The following PIEZO2 variants were observed in gnomAD, a reference collection of about 807,000 sequenced individuals.
The protein encoded by PIEZO2 is piezo type mechanosensitive ion channel component 2, also known as piezo-type mechanosensitive ion channel component 2.
A neutral mutation model predicts 337.3 loss-of-function variants in PIEZO2; 172 were observed. The observed-to-expected ratio is 0.51, with a 90% CI of 0.45 to 0.58. The LOEUF (loss-of-function observed/expected upper bound fraction) is 0.58, where lower values mean the gene tolerates loss of function less well. PIEZO2 is among the 20% of genes least tolerant of loss of function. The probability of loss-of-function intolerance (pLI) is 0.00; values close to 1 mark genes in which losing one functional copy is unlikely to be tolerated. For synonymous variants in PIEZO2, 1,251 were observed against 1,228.5 expected, an observed-to-expected ratio of 1.02 and a Z score of -0.38; for missense variants, 3,028 against 3,391.3, an observed-to-expected ratio of 0.89 and a Z score of 2.66.
At chr18:10,829,497 G>A (rs997433218) in intron 7 of PIEZO2, among the ~76,000 whole-genome samples, 2 of 152,062 alleles carry the variant, frequency 1.3e-5, no homozygotes, top group African/African-American at 2.4e-5. Flanking sequence ...ATTTGGAAAG[G>A]AAAAAGTCAT....
rs555019421 is a variant in PIEZO2, at chr18:11,087,955, T to C, written c.65-21733A>G. 7.9e-5 allele frequency among the ~76,000 whole-genome samples: 12 copies of C among 152,386 alleles called. No individual in the cohort carries two copies. The South Asian group carries it at 1.7e-3, about 21-fold the overall frequency. ...TTCTGTTTCTCTGTTCACCTTCAAA[T>C]GAAGAATGCTGCTTCCTACATTTCC... On this transcript the variant is annotated intron_variant, in intron 1 of 55. Coordinates refer to ENST00000674853, the MANE Select transcript of PIEZO2 (RefSeq NM_001378183.1).
rs188096631 is a variant in PIEZO2, at chr18:11,054,939, C to T, written c.160+11188G>A. 5.3e-3 allele frequency among the ~76,000 whole-genome samples: 813 copies of T among 152,206 alleles called. 3 individuals are homozygous for T. Among genetic ancestry groups the T allele is most frequent in the Non-Finnish European group, 9.3e-3 (630 of 68,006 alleles). ...CATTTCACCGAGGGGCAGCCAGGCA[C>T]GGTGGCTCACGCCTGTAATCCCAGC... On this transcript the variant is annotated intron_variant, in intron 2 of 55. Coordinates refer to ENST00000674853, the MANE Select transcript of PIEZO2 (RefSeq NM_001378183.1).
At chr18:10,884,781 G>T (rs770969235) in intron 4 of PIEZO2, among the ~76,000 whole-genome samples, 1 of 152,144 alleles carries the variant, frequency 6.6e-6, no homozygotes, top group Non-Finnish European at 1.5e-5. Flanking sequence ...TACACAGTGG[G>T]TGGCTCCAAC....
At chr18:10,702,480 A>G (rs1281121580) in intron 42 of PIEZO2, among the ~76,000 whole-genome samples, 6 of 152,214 alleles carry the variant, frequency 3.9e-5, no homozygotes, top group Non-Finnish European at 8.8e-5. Flanking sequence ...TACTTATTTA[A>G]TTAGATATTG....
At chr18:10,852,120 G>A (rs2041571643) in intron 7 of PIEZO2, among the ~76,000 whole-genome samples, 1 of 152,144 alleles carries the variant, frequency 6.6e-6, no homozygotes, top group Non-Finnish European at 1.5e-5. Context: ...GAAACTAAAA[G>A]CATTAATTTA....
Position 11,078,051 on chromosome 18 carries a change from CACA to C in PIEZO2, c.65-11832_65-11830del, listed in dbSNP as rs2145970746. ...GCACACACACCCACACACACCCACA[CACA>C]CACACACACACACCACACACACAAA... On this transcript the variant is annotated intron_variant, in intron 1 of 55. Coordinates refer to ENST00000674853, the MANE Select transcript of PIEZO2 (RefSeq NM_001378183.1). This position sits in a 1 kb window ranked among gnomAD's most constrained non-coding sequence, Gnocchi z 5.3. Among the ~76,000 whole-genome samples, 1 of 124,566 alleles carries C rather than the reference CACA, an allele frequency of 8.0e-6. No homozygotes were observed. The highest frequency in any genetic ancestry group is 3.5e-5 in the African/African-American group (1 of 28,506). 81.7% of individuals were successfully genotyped at this position (124,566 alleles called of 152,430 possible).
At position 11,048,150 on chromosome 18, in the gene PIEZO2, C is replaced by T. The variant is rs528158300; in HGVS notation, c.160+17977G>A. Among the ~76,000 whole-genome samples the T allele has an allele frequency of 5.9e-5, 9 of 152,100 alleles. No homozygotes were observed. Among genetic ancestry groups the T allele is most frequent in the Admixed American group, 2.0e-4 (3 of 15,264 alleles). On this transcript the variant is annotated intron_variant, in intron 2 of 55. Coordinates refer to ENST00000674853, the MANE Select transcript of PIEZO2 (RefSeq NM_001378183.1). The surrounding 1 kb of genome is among the most constrained non-coding windows in gnomAD (Gnocchi z 4.5). The stretch of plus-strand genomic sequence containing the variant: ...CTGAAAGCCCCTGCTCCTGACTGCC[C>T]GAGGAGACTATTAGTGACTTTCCCC...
intron 3 of PIEZO2, among the ~76,000 whole-genome samples, chr18:10,949,120 T>C (rs1195206355): frequency 1.3e-5 from 2 of 152,214 alleles, no homozygotes; most frequent in East Asian, 3.9e-4. Context: ...TGTAGTTATA[T>C]CTATTCTGAG....
intron 3 of PIEZO2, among the ~76,000 whole-genome samples, chr18:10,922,344 C>T (rs1265223636): frequency 1.3e-4 from 20 of 151,980 alleles, no homozygotes; most frequent in Non-Finnish European, 2.8e-4. Context: ...GGGGCAGATT[C>T]CCTGATACTT....
In PIEZO2 at chr18:10,855,575, G is replaced by T; in HGVS notation, c.704-9C>A. 1.3e-6 allele frequency: 2 copies of T among 1,525,736 alleles called. No homozygotes were observed. The highest frequency in any genetic ancestry group is 1.8e-6 in the Non-Finnish European group (2 of 1,137,558). The allele number at this position is 1,525,736 out of a possible 1,614,324, so 94.5% of individuals were successfully genotyped here. A position where few individuals can be genotyped will look rare whatever the true frequency, so the allele number is the denominator to read the frequency against. On this transcript the variant is annotated splice_polypyrimidine_tract_variant and intron_variant, in intron 6 of 55. Coordinates refer to ENST00000674853, the MANE Select transcript of PIEZO2 (RefSeq NM_001378183.1). This position sits in a 1 kb window ranked among gnomAD's most constrained non-coding sequence, Gnocchi z 4.9. The stretch of plus-strand genomic sequence containing the variant: ...AGACGGCAACATCATGCCTAAGGAA[G>T]AGAAACGTAATCACAAAGTCAGGTA...
chr18:11,020,925 C>G (rs1003068490), intron 2 of PIEZO2, among the ~76,000 whole-genome samples: 1 of 152,112 alleles, frequency 6.6e-6, no homozygotes, highest in Non-Finnish European at 1.5e-5. Flanking sequence ...AGTAAACAAC[C>G]CCTCTCCCCC....
At chr18:10,879,061 A>G (rs2042342481) in intron 4 of PIEZO2, among the ~76,000 whole-genome samples, 1 of 152,244 alleles carries the variant, frequency 6.6e-6, no homozygotes, top group Non-Finnish European at 1.5e-5. Context: ...TAAAGTCAAG[A>G]GAGTAAATTA....
At chr18:10,928,619 G>A (rs1437152795) in intron 3 of PIEZO2, among the ~76,000 whole-genome samples, 1 of 152,214 alleles carries the variant, frequency 6.6e-6, no homozygotes, top group Non-Finnish European at 1.5e-5. Flanking sequence ...AAATGATTTA[G>A]CCATTCAGAT....
chr18:10,703,940 G>C (rs561205036), intron 42 of PIEZO2, among the ~76,000 whole-genome samples: 2 of 152,288 alleles, frequency 1.3e-5, no homozygotes, highest in East Asian at 3.9e-4. Context: ...CAAAGTGCCG[G>C]ACTGTATGAT....
At chr18:11,018,845 A>G (rs1188522482) in intron 2 of PIEZO2, among the ~76,000 whole-genome samples, 1 of 152,188 alleles carries the variant, frequency 6.6e-6, no homozygotes. Context: ...TTCTACCCAT[A>G]ACAGATATCT....
In PIEZO2 at chr18:11,016,803, TTTC is replaced by T. The variant is rs1282032790; in HGVS notation, c.161-37146_161-37144del. ...TGGATTTGATATATTTATTTAGATT[TTTC>T]TTCTTAATGCTCTTGTTGGAAAAAC... is the stretch of plus-strand genomic sequence containing the variant. On this transcript the variant is annotated intron_variant, in intron 2 of 55. Transcript: ENST00000674853. The surrounding 1 kb of genome is among the most constrained non-coding windows in gnomAD (Gnocchi z 5.6). Among the ~76,000 whole-genome samples, 2 of 152,232 alleles carry T rather than the reference TTTC, an allele frequency of 1.3e-5. No individual in the cohort carries two copies. Among genetic ancestry groups the T allele is most frequent in the African/African-American group, 4.8e-5 (2 of 41,466 alleles).
chr18:10,766,923 C>T lies in PIEZO2; in HGVS notation c.2946+3225G>A, dbSNP rs2038384644. On this transcript the variant is annotated intron_variant, in intron 21 of 55. Coordinates refer to ENST00000674853, the MANE Select transcript of PIEZO2 (RefSeq NM_001378183.1). The surrounding 1 kb of genome is among the most constrained non-coding windows in gnomAD (Gnocchi z 6.1). The stretch of plus-strand genomic sequence containing the variant: ...AGTGAAAATAATAACAATGATGAGA[C>T]AGACAAGAAGGAGAAACCTCAGGTC... Among the ~76,000 whole-genome samples the T allele has an allele frequency of 6.6e-6, 1 of 152,148 alleles. No homozygotes were observed. Among genetic ancestry groups the T allele is most frequent in the African/African-American group, 2.4e-5 (1 of 41,436 alleles).
chr18:10,702,501 G>A (rs187879855), intron 42 of PIEZO2, among the ~76,000 whole-genome samples: 147 of 152,222 alleles, frequency 9.7e-4, no homozygotes, highest in Middle Eastern at 6.8e-3. Flanking sequence ...ATATAATTAC[G>A]CAGCTATTAA....
Position 10,713,053 on chromosome 18 carries a change from C to T in PIEZO2, c.5423+1711G>A, listed in dbSNP as rs114873685. On this transcript the variant is annotated intron_variant, in intron 39 of 55. Coordinates refer to ENST00000674853, the MANE Select transcript of PIEZO2 (RefSeq NM_001378183.1). The surrounding 1 kb of genome is among the most constrained non-coding windows in gnomAD (Gnocchi z 4.5). ...AGAATCAATACCTATTTTAGGGGAG[C>T]AGGCAGGGATACACCCATGCACAGT... Among the ~76,000 whole-genome samples the T allele has an allele frequency of 0.014, 2,072 of 152,254 alleles. 51 individuals are homozygous for T. Among genetic ancestry groups the T allele is most frequent in the African/African-American group, 0.047 (1,954 of 41,536 alleles).
Sources: allele counts gnomAD v4.1 joint callset (sites outside exome capture counted in the v4.1 genomes callset), GRCh38; gene constraint gnomAD v4.1.1; non-coding constraint Gnocchi (gnomAD v3.1); transcripts MANE v1.5; gene names NCBI Gene and HGNC (gene_info 2026-07-23, HGNC 2026-07-21).